The following TULP4 variants were observed in gnomAD, a reference collection of about 807,000 sequenced individuals.
TULP4 encodes the protein TUB like protein 4.
Under a neutral mutation model 129.0 loss-of-function variants are expected in TULP4, and 16 were observed. The ratio of observed to expected loss-of-function variants is 0.12; its 90% CI spans 0.08 to 0.19. The LOEUF (loss-of-function observed/expected upper bound fraction) is 0.19, where lower values mean the gene tolerates loss of function less well. TULP4 is among the 10% of genes least tolerant of loss of function. TULP4 has a pLI of 1.00. For missense variants in TULP4, 1,842 were observed against 2,059.1 expected (o/e 0.89, Z 2.04); for synonymous variants, 998 against 854.0 (o/e 1.17, Z -2.94).
chr6:158,249,374 G>A (rs2128451296), intron 1 of TULP4, among the ~76,000 whole-genome samples: 1 of 146,268 alleles, frequency 6.8e-6, no homozygotes, highest in Non-Finnish European at 1.6e-5. Flanking sequence ...AAGACAGAAA[G>A]CTCACATTTT....
intron 1 of TULP4, among the ~76,000 whole-genome samples, chr6:158,385,335 G>T (rs1220577722): frequency 3.3e-5 from 5 of 152,156 alleles, no homozygotes; most frequent in Admixed American, 1.3e-4. Context: ...TCTGCAGTCA[G>T]GGCATCCAGC....
Position 158,252,837 on chromosome 6 carries a change from T to C in TULP4, n.68+20534T>C, listed in dbSNP as rs190546652. The stretch of plus-strand genomic sequence containing the variant: ...CAGAGCAGCCCGGTTTTTTCACTAA[T>C]GTACTTTTTCCAGGTTACCACATTG... On this transcript the variant is annotated intron_variant and non_coding_transcript_variant, in intron 1 of 1. Coordinates refer to the TULP4 transcript ENST00000620026. 1.3e-4 allele frequency among the ~76,000 whole-genome samples: 20 copies of C among 152,338 alleles called. No individual in the cohort carries two copies. The East Asian group carries it at 2.7e-3, about 21-fold the overall frequency.
At chr6:158,419,040 G>GA (rs1213167375) in intron 2 of TULP4, among the ~76,000 whole-genome samples, 8 of 152,110 alleles carry the variant, frequency 5.3e-5, no homozygotes, top group African/African-American at 1.9e-4. Context: ...CGTTGTTTCT[G>GA]AAAAACATTG....
chr6:158,240,561 G>A lies in TULP4; in HGVS notation n.68+8258G>A, dbSNP rs565647967. Among the ~76,000 whole-genome samples, 67 of 95,794 alleles carry A rather than the reference G, an allele frequency of 7.0e-4. 3 individuals are homozygous for A. The highest frequency in any genetic ancestry group is 2.2e-3 in the South Asian group (6 of 2,694). 62.8% of individuals were successfully genotyped at this position (95,794 alleles called of 152,430 possible). On this transcript the variant is annotated intron_variant and non_coding_transcript_variant, in intron 1 of 1. Coordinates refer to the TULP4 transcript ENST00000620026. ...CCCTCCCGGACGGGGGCGGCTGGCC[G>A]GGCAGAGGGGCTCCTCACTTCCCAG...
At chr6:158,283,210 A>G (rs1051218694) in intron 1 of TULP4, among the ~76,000 whole-genome samples, 4 of 152,024 alleles carry the variant, frequency 2.6e-5, no homozygotes, top group African/African-American at 7.3e-5. Context: ...TGCCGCCACC[A>G]TGGCTCTATG....
At chr6:158,303,470 TA>T (rs1415025654) in intron 1 of TULP4, among the ~76,000 whole-genome samples, 2 of 152,012 alleles carry the variant, frequency 1.3e-5, no homozygotes, top group Non-Finnish European at 2.9e-5. Flanking sequence ...CTTCAAAGGG[TA>T]AAAAGCGTAA....
At chr6:158,411,994 G>A (rs777217156) in intron 1 of TULP4, among the ~76,000 whole-genome samples, 8 of 152,162 alleles carry the variant, frequency 5.3e-5, no homozygotes, top group Non-Finnish European at 1.0e-4. Context: ...GAGTAGACAA[G>A]GGTTCAAATC....
At chr6:158,487,838 C>T (rs775057612) in intron 8 of TULP4, among the ~76,000 whole-genome samples, 1 of 152,212 alleles carries the variant, frequency 6.6e-6, no homozygotes, top group Admixed American at 6.5e-5. Context: ...CCCCTTAAAT[C>T]GTCATTTATT....
intron 1 of TULP4, among the ~76,000 whole-genome samples, chr6:158,390,066 G>A (rs944462711): frequency 7.5e-5 from 11 of 147,244 alleles, no homozygotes; most frequent in East Asian, 2.0e-4. Flanking sequence ...GTGAGACTCC[G>A]TCTCAAAAAA....
intron 1 of TULP4, among the ~76,000 whole-genome samples, chr6:158,283,136 C>T (rs1225527605): frequency 8.5e-6 from 1 of 117,274 alleles, no homozygotes; most frequent in African/African-American, 3.0e-5. Context: ...AAGACTCCGT[C>T]TCAAAAAAAA....
At chr6:158,267,711 A>G (rs1045640847) in intron 1 of TULP4, among the ~76,000 whole-genome samples, 9 of 151,992 alleles carry the variant, frequency 5.9e-5, no homozygotes, top group Admixed American at 3.3e-4. Context: ...CCCCTTTTCT[A>G]TTTTGCTCCC....
At chr6:158,260,824 C>CTT (rs1204254398) in intron 1 of TULP4, among the ~76,000 whole-genome samples, 1 of 64,194 alleles carries the variant, frequency 1.6e-5, no homozygotes, top group Non-Finnish European at 4.3e-5. Context: ...CTTTTCTTTT[C>CTT]TTTTTTTTTT....
At chr6:158,431,406 C>T (rs1236205089) in intron 3 of TULP4, among the ~76,000 whole-genome samples, 1 of 152,156 alleles carries the variant, frequency 6.6e-6, no homozygotes, top group Non-Finnish European at 1.5e-5. Context: ...ACCCATGAGC[C>T]ATCTGTGAGG....
At chr6:158,383,861 G>A (rs1456739281) in intron 1 of TULP4, among the ~76,000 whole-genome samples, 1 of 152,236 alleles carries the variant, frequency 6.6e-6, no homozygotes, top group Non-Finnish European at 1.5e-5. Context: ...TGATTAGATG[G>A]ACACACTTGT....
Position 158,493,537 on chromosome 6 carries a change from A to G in TULP4, c.1632-36A>G, listed in dbSNP as rs761945130. 2 of 1,438,534 alleles carry G rather than the reference A, an allele frequency of 1.4e-6. No homozygotes were observed. Among genetic ancestry groups the G allele is most frequent in the Non-Finnish European group, 1.8e-6 (2 of 1,092,214 alleles). The allele number at this position is 1,438,534 out of a possible 1,614,324, so 89.1% of individuals were successfully genotyped here. A position where few individuals can be genotyped will look rare whatever the true frequency, so the allele number is the denominator to read the frequency against. ...CAGGGCCATGCTCACCATTCCCGCCACGGATGCCTGACCCCTCCTGGCCTT... is the reference window on the plus strand; with the variant it reads ...CAGGGCCATGCTCACCATTCCCGCCGCGGATGCCTGACCCCTCCTGGCCTT... On this transcript the variant is annotated intron_variant, in intron 9 of 13. Coordinates refer to ENST00000367097, the MANE Select transcript of TULP4 (RefSeq NM_020245.5). The surrounding 1 kb of genome is among the most constrained non-coding windows in gnomAD (Gnocchi z 4.4).
chr6:158,233,736 G>C (rs1777640066), intron 1 of TULP4, among the ~76,000 whole-genome samples: 1 of 152,194 alleles, frequency 6.6e-6, no homozygotes, highest in South Asian at 2.1e-4. Context: ...GTCCTTGATA[G>C]GTAACTGGCA....
upstream of TULP4, among the ~76,000 whole-genome samples, chr6:158,279,752 C>G (rs745814740): frequency 2.6e-5 from 4 of 151,898 alleles, no homozygotes; most frequent in Admixed American, 6.6e-5. Context: ...GGTGTAGGTC[C>G]TCTTCACTCT....
At chr6:158,286,706 G>T (rs937568786) in intron 1 of TULP4, among the ~76,000 whole-genome samples, 1 of 152,146 alleles carries the variant, frequency 6.6e-6, no homozygotes. Flanking sequence ...AGTAATTCAA[G>T]ACAAATTTTA....
rs140182117 is a variant in TULP4 at position 158,261,779 on chromosome 6, C to T, written n.68+29476C>T. ...GCTGATCAGGGTTCCAGGATTCCTC[C>T]GCCTTTCTCTTTCACCATCTTTAGC... On this transcript the variant is annotated intron_variant and non_coding_transcript_variant, in intron 1 of 1. Coordinates refer to the TULP4 transcript ENST00000620026. 4.0e-3 allele frequency among the ~76,000 whole-genome samples: 614 copies of T among 152,208 alleles called. 5 individuals carry two copies. The highest frequency in any genetic ancestry group is 0.014 in the African/African-American group (585 of 41,532).
Sources: gnomAD v4.1 joint callset for allele counts (sites outside exome capture counted in the v4.1 genomes callset) on GRCh38, gnomAD v4.1.1 for gene constraint, Gnocchi (gnomAD v3.1) non-coding constraint, MANE v1.5 for transcripts, NCBI Gene and HGNC (gene_info 2026-07-23, HGNC 2026-07-21) for gene names.